Variants in ANK2 observed in about 807,000 individuals in gnomAD.
The protein encoded by ANK2 is ankyrin 2.
A neutral mutation model predicts 360.5 loss-of-function variants in ANK2; 83 were observed. That is an observed-to-expected ratio of 0.23 (90% CI 0.19 to 0.28). The LOEUF is 0.28. Ranked by LOEUF, ANK2 falls within the 10% of genes least tolerant of loss-of-function variation. The probability of loss-of-function intolerance (pLI) is 1.00; values close to 1 mark genes in which losing one functional copy is unlikely to be tolerated. For missense variants in ANK2, 4,201 were observed against 4,795.7 expected, an observed-to-expected ratio of 0.88 and a Z score of 3.66; for synonymous variants, 1,740 against 1,759.5, an observed-to-expected ratio of 0.99 and a Z score of 0.28.
intron 2 of ANK2, among the ~76,000 whole-genome samples, chr4:113,000,263 C>T (rs538587537): frequency 6.6e-6 from 1 of 152,292 alleles, no homozygotes; most frequent in Admixed American, 6.5e-5. Flanking sequence ...CTGTCTGTCT[C>T]TGGTGATAAG....
chr4:113,197,816 C>A (rs1299398105), intron 3 of ANK2, among the ~76,000 whole-genome samples: 1 of 152,154 alleles, frequency 6.6e-6, no homozygotes, highest in Non-Finnish European at 1.5e-5. Context: ...AGGGAGTAAA[C>A]ATTTTTATAA....
intron 11 of ANK2, among the ~76,000 whole-genome samples, chr4:113,256,324 G>GA (rs934722934): frequency 3.9e-4 from 59 of 151,772 alleles, no homozygotes; most frequent in African/African-American, 1.3e-3. Flanking sequence ...TCTCTTTTTG[G>GA]AAAAAAAATT....
intron 2 of ANK2, among the ~76,000 whole-genome samples, chr4:113,025,572 T>G (rs578261291): frequency 6.6e-6 from 1 of 152,344 alleles, no homozygotes; most frequent in Non-Finnish European, 1.5e-5. Flanking sequence ...TGACACTTTC[T>G]AAGGCTTCTC....
intron 31 of ANK2, among the ~76,000 whole-genome samples, chr4:113,338,989 GA>G (rs2093936049): frequency 6.6e-6 from 1 of 152,200 alleles, no homozygotes; most frequent in South Asian, 2.1e-4. Flanking sequence ...GAAGAGAACA[GA>G]AGGCTTAATA....
the ANK2 span, among the ~76,000 whole-genome samples, chr4:112,753,274 A>G: frequency 6.6e-6 from 1 of 152,244 alleles, no homozygotes; most frequent in African/African-American, 2.4e-5. Flanking sequence ...CATAGATATT[A>G]CAGTTGAGCG....
intron 2 of ANK2, among the ~76,000 whole-genome samples, chr4:112,990,411 A>C (rs2046358930): frequency 1.3e-5 from 2 of 152,140 alleles, no homozygotes. Flanking sequence ...TATAGATGAC[A>C]CCCATTCTGA....
intron 26 of ANK2, among the ~76,000 whole-genome samples, chr4:113,325,378 A>G (rs796296664): frequency 1.3e-5 from 2 of 152,204 alleles, no homozygotes; most frequent in South Asian, 4.1e-4. Flanking sequence ...AACTGTGCAT[A>G]TAATTTTAAT....
chr4:112,895,005 A>C (rs544014218), intron 1 of ANK2, among the ~76,000 whole-genome samples: 2 of 152,326 alleles, frequency 1.3e-5, no homozygotes, highest in East Asian at 3.9e-4. Flanking sequence ...TGACATCAGG[A>C]TGCTGGTGCA....
chr4:112,787,103 A>C, the ANK2 span, among the ~76,000 whole-genome samples: 3 of 152,188 alleles, frequency 2.0e-5, no homozygotes, highest in Non-Finnish European at 4.4e-5. Context: ...CTTGCAAATT[A>C]ATTTATTTCT....
intron 1 of ANK2, among the ~76,000 whole-genome samples, chr4:113,112,568 G>C (rs1581926701): frequency 6.6e-6 from 1 of 152,186 alleles, no homozygotes; most frequent in Non-Finnish European, 1.5e-5. Context: ...TCATAATAAA[G>C]GGAGGTCTGT....
chr4:113,130,733 C>T (rs894195361), intron 1 of ANK2, among the ~76,000 whole-genome samples: 3 of 152,182 alleles, frequency 2.0e-5, no homozygotes, highest in Non-Finnish European at 2.9e-5. Flanking sequence ...ATCACATCAT[C>T]TTTGCCTAAG....
rs756680317 is a variant in ANK2 at position 113,258,033 on chromosome 4, G to C, written c.1189-17G>C. 6.2e-7 allele frequency: 1 copy of C among 1,607,152 alleles called. No individual in the cohort carries two copies. Among genetic ancestry groups the C allele is most frequent in the East Asian group, 2.2e-5 (1 of 44,834 alleles). ...GTTTCTGCATGTTTTCAACTAACTT[G>C]ATTGTCTTTTGCACAGAATGGTTTT... On this transcript the variant is annotated splice_polypyrimidine_tract_variant and intron_variant, in intron 11 of 45. Transcript: ENST00000357077.
In ANK2 at chr4:113,357,597, A is replaced by G. The variant is rs112252825; in HGVS notation, c.8979A>G (p.Ile2993Met). ...SKESNFEGQD[I>M]KMESQQESTL... ...AATCTAATTTTGAGGGCCAGGACAT[A>G]AAAATGGAATCCCAACAGGAAAGTA... The change falls in exon 38 of 46, where the codon ATA becomes ATG. Residue 2993 changes from isoleucine to methionine, a missense_variant. This residue lies in a region of ANK2 where 2,642 missense variants were observed against 2,714.5 expected (regional missense o/e 0.97). Coordinates refer to ENST00000357077, the MANE Select transcript of ANK2 (RefSeq NM_001148.6). 159 of 1,614,134 alleles carry G rather than the reference A, an allele frequency of 9.9e-5. No homozygotes were observed. The African/African-American group carries it at 1.8e-3, about 18-fold the overall frequency.
At position 112,844,391 on chromosome 4, in the gene ANK2, G is replaced by A. The variant is rs1018796079; in HGVS notation, c.-40+26127G>A. 3.3e-5 allele frequency among the ~76,000 whole-genome samples: 5 copies of A among 152,036 alleles called. No individual in the cohort carries two copies. The South Asian group carries it at 8.3e-4, about 25-fold the overall frequency. On this transcript the variant is annotated intron_variant, in intron 1 of 30. Coordinates refer to the ANK2 transcript ENST00000503271. ...CATACATTATTACTTACATGTTATC[G>A]CTTATCTGCCCAAAGTAAAGCTCTT...
At chr4:112,986,839 G>A (rs1027682508) in intron 2 of ANK2, among the ~76,000 whole-genome samples, 1 of 152,184 alleles carries the variant, frequency 6.6e-6, no homozygotes, top group African/African-American at 2.4e-5. Flanking sequence ...ACTGTGCGAT[G>A]TTCCACCTTC....
At chr4:112,987,593 C>T (rs1157525501) in intron 2 of ANK2, among the ~76,000 whole-genome samples, 1 of 152,058 alleles carries the variant, frequency 6.6e-6, no homozygotes, top group South Asian at 2.1e-4. Context: ...CCCAGATACC[C>T]ATGAAGGTCA....
chr4:113,165,267 A>T (rs150322871), intron 1 of ANK2, among the ~76,000 whole-genome samples: 1 of 152,324 alleles, frequency 6.6e-6, no homozygotes, highest in East Asian at 1.9e-4. Context: ...TACCAGTTGG[A>T]GATCCTAAAG....
At chr4:113,151,102 C>T in intron 1 of ANK2, 2 of 1,288,880 alleles carry the variant, frequency 1.6e-6, no homozygotes, top group African/African-American at 1.5e-5. Context: ...CAGATGAAAC[C>T]AGAGGCCGCC....
chr4:113,336,426 G>A, intron 30 of ANK2, 151 bp from the exon 31 acceptor site: 1 of 780,514 alleles, frequency 1.3e-6, no homozygotes, highest in East Asian at 2.7e-5. Flanking sequence ...TAATAATACT[G>A]AACTTATGAT....
Sources: allele counts gnomAD v4.1 joint callset (sites outside exome capture counted in the v4.1 genomes callset), GRCh38; gene constraint gnomAD v4.1.1; regional missense constraint gnomAD v4.1.1; transcripts MANE v1.5; gene names NCBI Gene and HGNC (gene_info 2026-07-23, HGNC 2026-07-21).